Variants in CDKN2B-AS1 observed in about 807,000 individuals in gnomAD.
CDKN2B-AS1 encodes CDKN2B and CDKN2A antisense cis and trans regulatory RNA 1.
intron 1 of CDKN2B-AS1, among the ~76,000 whole-genome samples, chr9:22,028,142 T>G (rs1214019303): frequency 7.9e-5 from 12 of 152,072 alleles, no homozygotes; most frequent in Non-Finnish European, 1.6e-4. Context: ...GAAATAATAT[T>G]GGTGTCCATG....
At chr9:22,107,322 G>A (rs1355596727) in intron 4 of CDKN2B-AS1, among the ~76,000 whole-genome samples, 22 of 152,210 alleles carry the variant, frequency 1.4e-4, no homozygotes, top group Non-Finnish European at 1.2e-4. Flanking sequence ...GCACTGGCAT[G>A]TGCATTATTA....
chr9:22,028,759 G>A (rs1822342419), intron 1 of CDKN2B-AS1, among the ~76,000 whole-genome samples: 1 of 152,040 alleles, frequency 6.6e-6, no homozygotes, highest in Admixed American at 6.6e-5. Flanking sequence ...TTTATGTATG[G>A]TTTGTGAAAC....
intron 4 of CDKN2B-AS1, among the ~76,000 whole-genome samples, chr9:22,095,640 C>G (rs1350651975): frequency 1.3e-5 from 2 of 149,550 alleles, no homozygotes; most frequent in Non-Finnish European, 2.9e-5. Flanking sequence ...TCCTGGATAT[C>G]CTTGTTAACT....
In CDKN2B-AS1 at chr9:22,105,609, A is replaced by G. The variant is rs1278496348; in HGVS notation, n.439-21494A>G. On this transcript the variant is annotated intron_variant and non_coding_transcript_variant, in intron 4 of 4. Transcript: ENST00000650946. ...AAAGAGAGACTCAGGCAGATGCTAT[A>G]TTGCCTTTTGTGACCAAGCCTTGGA... Among the ~76,000 whole-genome samples the G allele has an allele frequency of 2.6e-5, 4 of 152,148 alleles. No individual in the cohort carries two copies. The South Asian group carries it at 8.3e-4, about 32-fold the overall frequency.
At chr9:22,066,089 C>T (rs1317799022) in intron 4 of CDKN2B-AS1, 5 of 152,208 alleles carry the variant, frequency 3.3e-5, no homozygotes, top group Admixed American at 3.3e-4. Flanking sequence ...TGAATTATCT[C>T]CCTCTGTCTG....
At chr9:22,088,203 G>C (rs1389122905) in intron 4 of CDKN2B-AS1, among the ~76,000 whole-genome samples, 2 of 152,274 alleles carry the variant, frequency 1.3e-5, no homozygotes, top group Admixed American at 6.5e-5. Context: ...GAGGAGAAGA[G>C]AAGGGCTTAA....
At chr9:22,028,327 C>T (rs1822324875) in intron 1 of CDKN2B-AS1, among the ~76,000 whole-genome samples, 1 of 152,018 alleles carries the variant, frequency 6.6e-6, no homozygotes, top group Non-Finnish European at 1.5e-5. Context: ...AAAACCTTGG[C>T]AGAGTTAAAA....
chr9:22,094,549 T>G lies in CDKN2B-AS1; in HGVS notation n.439-32554T>G, dbSNP rs1201342519. ...TTCTTTTTCCTCTAAACTTCTTGCT[T>G]CTTTTCATTCATTTGATCTTCCATC... On this transcript the variant is annotated intron_variant and non_coding_transcript_variant, in intron 4 of 4. Transcript: ENST00000650946. 2.8e-5 allele frequency among the ~76,000 whole-genome samples: 4 copies of G among 144,470 alleles called. No individual in the cohort carries two copies. The South Asian group carries it at 6.3e-4, about 23-fold the overall frequency. The allele number at this position is 144,470 out of a possible 152,430, so 94.8% of individuals were successfully genotyped here. A position where few individuals can be genotyped will look rare whatever the true frequency, so the allele number is the denominator to read the frequency against.
intron 1 of CDKN2B-AS1, among the ~76,000 whole-genome samples, chr9:22,008,363 T>C (rs1821297566): frequency 6.6e-6 from 1 of 152,240 alleles, no homozygotes; most frequent in African/African-American, 2.4e-5. Flanking sequence ...ACAGATTTCA[T>C]ATAGTAGCTT....
At chr9:22,073,070 T>C (rs949733349) in intron 4 of CDKN2B-AS1, among the ~76,000 whole-genome samples, 1 of 152,172 alleles carries the variant, frequency 6.6e-6, no homozygotes. Context: ...ATATCCATAT[T>C]GGCCCCTGTC....
At chr9:22,057,436 A>G (rs2131292459) in intron 4 of CDKN2B-AS1, among the ~76,000 whole-genome samples, 1 of 152,334 alleles carries the variant, frequency 6.6e-6, no homozygotes, top group African/African-American at 2.4e-5. Flanking sequence ...CCAAAGAATA[A>G]AGGTAGATGC....
At chr9:22,071,793 A>G (rs1471795410) in intron 4 of CDKN2B-AS1, among the ~76,000 whole-genome samples, 4 of 152,212 alleles carry the variant, frequency 2.6e-5, no homozygotes, top group East Asian at 1.9e-4. Context: ...CTGAACACCA[A>G]CTATGAGCTA....
At chr9:22,008,831 G>C in intron 1 of CDKN2B-AS1, 1 of 1,608,466 alleles carries the variant, frequency 6.2e-7, no homozygotes, top group Non-Finnish European at 8.5e-7. Context: ...GGTTGACTCC[G>C]TTGGGATCCG....
chr9:22,069,831 G>A (rs1199874328), intron 4 of CDKN2B-AS1, among the ~76,000 whole-genome samples: 1 of 151,890 alleles, frequency 6.6e-6, no homozygotes, highest in Non-Finnish European at 1.5e-5. Flanking sequence ...CTTCCTTCTT[G>A]CTTCCCCAGT....
intron 1 of CDKN2B-AS1, among the ~76,000 whole-genome samples, chr9:22,023,711 C>G (rs763293635): frequency 6.6e-6 from 1 of 152,156 alleles, no homozygotes; most frequent in South Asian, 2.1e-4. Flanking sequence ...CCACTGCACT[C>G]CAGCCTGGGT....
chr9:22,009,988 CA>C (rs2069417), intron 1 of CDKN2B-AS1, among the ~76,000 whole-genome samples: 19,631 of 151,328 alleles, frequency 0.13, 1,539 homozygotes, highest in African/African-American at 0.23. Context: ...ACACATAAGA[CA>C]AAAAAAAATT....
chr9:22,054,951 C>T (rs1823494933), intron 3 of CDKN2B-AS1, among the ~76,000 whole-genome samples: 1 of 151,906 alleles, frequency 6.6e-6, no homozygotes, highest in Non-Finnish European at 1.5e-5. Flanking sequence ...GGGGTTTCAC[C>T]ATGTTGGCCA....
At chr9:22,034,449 G>A (rs547165794) in intron 1 of CDKN2B-AS1, among the ~76,000 whole-genome samples, 3 of 152,282 alleles carry the variant, frequency 2.0e-5, no homozygotes, top group Admixed American at 6.5e-5. Flanking sequence ...AAAGAAGCCC[G>A]AGTTAGGATT....
chr9:22,008,795 T>C, intron 1 of CDKN2B-AS1: 1 of 1,606,182 alleles, frequency 6.2e-7, no homozygotes, highest in Non-Finnish European at 8.5e-7. Context: ...GGGCCCCAGC[T>C]ACCTGGATCG....
Sources: gnomAD v4.1 joint callset for allele counts (sites outside exome capture counted in the v4.1 genomes callset) on GRCh38, gnomAD v4.1.1 for gene constraint, MANE v1.5 for transcripts, NCBI Gene and HGNC (gene_info 2026-07-23, HGNC 2026-07-21) for gene names.